ATP13A4: variants seen among roughly 807,000 people sequenced by gnomAD.
The protein encoded by ATP13A4 is ATPase 13A4.
In ATP13A4, 114 loss-of-function variants were observed where a neutral mutation model predicts 142.5. The observed-to-expected ratio is 0.80, with a 90% CI of 0.69 to 0.93. ATP13A4 has a LOEUF of 0.93. Among genes scored for constraint, ATP13A4 ranks in the 40% least tolerant of loss-of-function variants. The pLI is 0.00. For synonymous variants in ATP13A4, 488 were observed against 514.8 expected (o/e 0.95, Z 0.70); for missense variants, 1,392 against 1,454.0 (o/e 0.96, Z 0.69).
rs937192974 is a variant in ATP13A4 at position 193,399,098 on chromosome 3, T to C, written c.*3554A>G. 8.5e-5 allele frequency among the ~76,000 whole-genome samples: 13 copies of C among 152,304 alleles called. No individual in the cohort carries two copies. Among genetic ancestry groups the C allele is most frequent in the East Asian group, 5.8e-4 (3 of 5,174 alleles). ...TTCCATAAGCACATAAGGATACAGA[T>C]GTCACAGACATATTTAGTGAGGGAA... On this transcript the variant is annotated 3_prime_UTR_variant, in exon 30 of 30. Coordinates refer to ENST00000342695, the MANE Select transcript of ATP13A4 (RefSeq NM_032279.4).
At chr3:193,575,080 TCTG>T (rs1560287901) in intron 2 of ATP13A4, among the ~76,000 whole-genome samples, 2 of 152,200 alleles carry the variant, frequency 1.3e-5, no homozygotes, top group Non-Finnish European at 2.9e-5. Flanking sequence ...CTGAGAATGG[TCTG>T]CTGTGAGGAA....
At chr3:193,467,109 T>C (rs1054124708) in intron 10 of ATP13A4, among the ~76,000 whole-genome samples, 3 of 152,158 alleles carry the variant, frequency 2.0e-5, no homozygotes, top group Non-Finnish European at 4.4e-5. Flanking sequence ...CTCCATGATG[T>C]GCTTATTTCA....
intron 8 of ATP13A4, among the ~76,000 whole-genome samples, chr3:193,480,840 CA>C (rs2108656181): frequency 6.6e-6 from 1 of 152,258 alleles, no homozygotes; most frequent in East Asian, 1.9e-4. Context: ...ATGTCTAGAG[CA>C]GCACAATTTG....
At chr3:193,444,856 A>G (rs187694688) in intron 18 of ATP13A4, among the ~76,000 whole-genome samples, 1 of 152,190 alleles carries the variant, frequency 6.6e-6, no homozygotes, top group Non-Finnish European at 1.5e-5. Flanking sequence ...GGAAGGAGCT[A>G]CCTGAGGCTG....
intron 2 of ATP13A4, among the ~76,000 whole-genome samples, chr3:193,513,875 G>C (rs900994570): frequency 3.9e-5 from 6 of 152,190 alleles, no homozygotes; most frequent in Non-Finnish European, 8.8e-5. Context: ...AGTCACTCCA[G>C]TGCAGGGAGT....
At chr3:193,539,534 C>A (rs1167256013) in intron 1 of ATP13A4, among the ~76,000 whole-genome samples, 1 of 152,186 alleles carries the variant, frequency 6.6e-6, no homozygotes, top group Non-Finnish European at 1.5e-5. Context: ...GCTCAAGAAT[C>A]CACCACCTCA....
chr3:193,440,721 G>A, intron 20 of ATP13A4, 84 bp from the exon 21 acceptor site: 12 of 1,388,914 alleles, frequency 8.6e-6, no homozygotes, highest in Non-Finnish European at 1.2e-5. Flanking sequence ...AATGTTGACT[G>A]CATCATGACA....
intron 9 of ATP13A4, among the ~76,000 whole-genome samples, chr3:193,468,985 T>C (rs1718462647): frequency 6.6e-6 from 1 of 152,192 alleles, no homozygotes; most frequent in Non-Finnish European, 1.5e-5. Context: ...TTGTAGGCAG[T>C]TTGAGATTTA....
intron 8 of ATP13A4, among the ~76,000 whole-genome samples, chr3:193,473,931 G>A (rs966093939): frequency 1.3e-5 from 2 of 152,112 alleles, no homozygotes; most frequent in African/African-American, 4.8e-5. Flanking sequence ...GGCAAAACAC[G>A]AACGAGGTCT....
chr3:193,484,810 A>G (rs989597972), intron 7 of ATP13A4, among the ~76,000 whole-genome samples: 1 of 152,220 alleles, frequency 6.6e-6, no homozygotes, highest in African/African-American at 2.4e-5. Flanking sequence ...CAAGAAATTT[A>G]CAGCCTGCTG....
intron 7 of ATP13A4, among the ~76,000 whole-genome samples, chr3:193,486,726 G>T (rs1719644218): frequency 6.6e-6 from 1 of 152,120 alleles, no homozygotes; most frequent in Admixed American, 6.5e-5. Context: ...CTGGATTTGA[G>T]ATACATATAC....
intron 3 of ATP13A4, among the ~76,000 whole-genome samples, chr3:193,500,408 A>C (rs1024624866): frequency 6.6e-6 from 1 of 152,148 alleles, no homozygotes; most frequent in African/African-American, 2.4e-5. Flanking sequence ...TGTAGTCTTC[A>C]GACTTCCTTT....
At chr3:193,573,326 T>TATATATATGTATATATATATATATAA (rs1560287433) in intron 2 of ATP13A4, among the ~76,000 whole-genome samples, 2 of 78,046 alleles carry the variant, frequency 2.6e-5, no homozygotes, top group African/African-American at 9.7e-5. Context: ...TATATATATA[T>TATATATATGTATATATATATATATAA]AATTTGTATC....
At chr3:193,477,435 A>G (rs1241282262) in intron 8 of ATP13A4, among the ~76,000 whole-genome samples, 1 of 152,088 alleles carries the variant, frequency 6.6e-6, no homozygotes, top group African/African-American at 2.4e-5. Context: ...GTATATGTTC[A>G]AAGTGTTTTA....
At chr3:193,501,040 C>T (rs1298721268) in intron 3 of ATP13A4, among the ~76,000 whole-genome samples, 1 of 152,144 alleles carries the variant, frequency 6.6e-6, no homozygotes, top group African/African-American at 2.4e-5. Flanking sequence ...GATAGTACAC[C>T]TATCACAACT....
At chr3:193,545,637 C>T (rs1723177062) in intron 1 of ATP13A4, among the ~76,000 whole-genome samples, 1 of 152,112 alleles carries the variant, frequency 6.6e-6, no homozygotes, top group Non-Finnish European at 1.5e-5. Flanking sequence ...AATGGGCACC[C>T]AAAATGAATC....
chr3:193,447,508 G>A (rs114803341), intron 18 of ATP13A4, among the ~76,000 whole-genome samples: 6,997 of 152,232 alleles, frequency 0.046, 214 homozygotes, highest in Non-Finnish European at 0.072. Context: ...GACTACAAGA[G>A]CAGGGAAAAG....
intron 17 of ATP13A4, among the ~76,000 whole-genome samples, chr3:193,450,094 A>C (rs1424512063): frequency 6.6e-6 from 1 of 151,700 alleles, no homozygotes; most frequent in African/African-American, 2.4e-5. Context: ...CCTGGGCAAC[A>C]AAAATGAAAC....
chr3:193,461,910 C>T (rs1373426120), intron 13 of ATP13A4, among the ~76,000 whole-genome samples: 1 of 152,072 alleles, frequency 6.6e-6, no homozygotes, highest in East Asian at 1.9e-4. Context: ...CTGTCAAAAC[C>T]GTCTTTTCTT....
Sources: allele counts gnomAD v4.1 joint callset (sites outside exome capture counted in the v4.1 genomes callset), GRCh38; gene constraint gnomAD v4.1.1; transcripts MANE v1.5; gene names NCBI Gene and HGNC (gene_info 2026-07-23, HGNC 2026-07-21).